Variants in CEP192 observed in about 807,000 individuals in gnomAD.
The protein encoded by CEP192 is centrosomal protein of 192 kDa.
Under a neutral mutation model 271.8 loss-of-function variants are expected in CEP192, and 151 were observed. The observed-to-expected ratio is 0.56, with a 90% confidence interval of 0.49 to 0.64. The LOEUF is 0.64. Ranked by LOEUF, CEP192 falls within the 30% of genes least tolerant of loss-of-function variation. The pLI is 0.00. For missense variants in CEP192, 2,910 were observed against 3,020.5 expected (o/e 0.96, Z 0.86); for synonymous variants, 995 against 1,076.5 (o/e 0.92, Z 1.48).
chr18:13,057,900 T>C (rs749805080), intron 20 of CEP192, 167 bp downstream of exon 20: 53 of 436,114 alleles, frequency 1.2e-4, no homozygotes, highest in Admixed American at 2.1e-4. Context: ...GCTTGTAGAG[T>C]GTAAAGTGAA....
At chr18:13,033,046 T>C (rs1013238439) in intron 11 of CEP192, among the ~76,000 whole-genome samples, 3 of 152,194 alleles carry the variant, frequency 2.0e-5, no homozygotes, top group African/African-American at 4.8e-5. Flanking sequence ...GTGGTTTGGG[T>C]ACTGGCAGTA....
intron 9 of CEP192, among the ~76,000 whole-genome samples, chr18:13,026,538 A>G (rs1024671020): frequency 5.9e-5 from 9 of 152,040 alleles, no homozygotes; most frequent in Non-Finnish European, 1.2e-4. Flanking sequence ...CATATGTTAT[A>G]CATTTTGTAG....
chr18:13,001,938 C>T (rs2033671190), intron 3 of CEP192, among the ~76,000 whole-genome samples: 1 of 152,206 alleles, frequency 6.6e-6, no homozygotes, highest in Non-Finnish European at 1.5e-5. Context: ...AACTCCTGAC[C>T]TCAAGTGAAC....
At chr18:13,067,186 T>G (rs2037754153) in intron 21 of CEP192, among the ~76,000 whole-genome samples, 1 of 152,190 alleles carries the variant, frequency 6.6e-6, no homozygotes, top group African/African-American at 2.4e-5. Context: ...AGCATTTACA[T>G]TATATTAGGT....
At position 13,124,802 on chromosome 18, in the gene CEP192, A is replaced by G. The variant is rs1414014893; in HGVS notation, c.*32A>G. ...TACATTTTTGTGTAAAGTAAATTAC[A>G]TAAGTTGTATTTTGTTAACTTTATC... On this transcript the variant is annotated 3_prime_UTR_variant, in exon 45 of 45. Transcript: ENST00000506447. The G allele has an allele frequency of 6.5e-7, 1 of 1,527,340 alleles. No individual in the cohort carries two copies. Among genetic ancestry groups the G allele is most frequent in the Admixed American group, 1.7e-5 (1 of 57,768 alleles). The allele number at this position is 1,527,340 out of a possible 1,614,324, so 94.6% of individuals were successfully genotyped here.
At position 13,068,488 on chromosome 18, in the gene CEP192, G is replaced by A. The variant is rs1047945948; in HGVS notation, c.4822+66G>A. The A allele has an allele frequency of 1.3e-5, 16 of 1,258,428 alleles. No individual in the cohort carries two copies. The Admixed American group carries it at 3.1e-4, about 24-fold the overall frequency. The allele number at this position is 1,258,428 out of a possible 1,614,324, so 78.0% of individuals were successfully genotyped here. A position where few individuals can be genotyped will look rare whatever the true frequency, so the allele number is the denominator to read the frequency against. ...GCTAGATAAACTACAAATTTGAGATGTATTTCCTTTGTCAATAAATGTCAG... is the reference window on the plus strand; with the variant it reads ...GCTAGATAAACTACAAATTTGAGATATATTTCCTTTGTCAATAAATGTCAG... On this transcript the variant is annotated intron_variant, in intron 24 of 44. Transcript: ENST00000506447.
At chr18:13,114,026 T>C (rs75846614) in intron 41 of CEP192, 104 bp from the exon 42 acceptor site, 55,780 of 1,352,472 alleles carry the variant, frequency 0.041, 1,310 homozygotes, top group Middle Eastern at 0.075. Flanking sequence ...TTAAATTGCC[T>C]TTTAAAAATT....
intron 4 of CEP192, among the ~76,000 whole-genome samples, chr18:13,009,014 GTT>G (rs10586819): frequency 0.41 from 49,482 of 120,178 alleles, 8,056 homozygotes; most frequent in African/African-American, 0.48. Context: ...TGGCCTTTTT[GTT>G]TTTTTTTTTT....
intron 12 of CEP192, 71 bp from the exon 13 acceptor site, chr18:13,038,299 T>G: frequency 8.0e-7 from 1 of 1,255,440 alleles, no homozygotes; most frequent in South Asian, 1.4e-5. Context: ...ACTTTTTTAG[T>G]TTTTGTATAT....
At chr18:13,025,220 A>G (rs1399497288) in intron 9 of CEP192, among the ~76,000 whole-genome samples, 1 of 151,366 alleles carries the variant, frequency 6.6e-6, no homozygotes, top group Non-Finnish European at 1.5e-5. Flanking sequence ...TATTATTATT[A>G]TTATTATTAC....
chr18:13,057,074 T>C (rs913593764), intron 19 of CEP192, among the ~76,000 whole-genome samples: 19 of 152,222 alleles, frequency 1.2e-4, no homozygotes, highest in Non-Finnish European at 2.1e-4. Context: ...TCGGGTGCAT[T>C]TGTGGGGCAG....
At position 13,057,650 on chromosome 18, in the gene CEP192, A is replaced by G; in HGVS notation, c.4174A>G (p.Thr1392Ala). 1 of 1,613,966 alleles carries G rather than the reference A, an allele frequency of 6.2e-7. No homozygotes were observed. The highest frequency in any genetic ancestry group is 8.5e-7 in the Non-Finnish European group (1 of 1,179,990). ...TTGCTGTGTCGGGATCGCTTCCCAG[A>G]CCCTCCTCAGTGTGCTTAATCCAAC... ...HACCVGIASQ[T>A]LLSVLNPTDR... The change falls in exon 20 of 45, where the codon ACC becomes GCC. Residue 1392 changes from threonine (T) to alanine (A), a missense_variant. Physicochemically the swap from Thr to Ala is moderately conservative, Grantham distance 58 (BLOSUM62 0). Coordinates refer to ENST00000506447, the MANE Select transcript of CEP192 (RefSeq NM_032142.4).
At chr18:13,121,749 A>G (rs1248880221) in intron 44 of CEP192, among the ~76,000 whole-genome samples, 1 of 152,188 alleles carries the variant, frequency 6.6e-6, no homozygotes, top group African/African-American at 2.4e-5. Flanking sequence ...TTCCACCTCA[A>G]CTGTGCCCTC....
At chr18:13,015,216 G>A in intron 5 of CEP192, 112 bp from the exon 6 acceptor site, 2 of 962,680 alleles carry the variant, frequency 2.1e-6, no homozygotes, top group African/African-American at 1.7e-5. Context: ...GTGATTTACA[G>A]ATACTGAACA....
intron 21 of CEP192, among the ~76,000 whole-genome samples, chr18:13,063,764 G>C (rs537263697): frequency 6.0e-5 from 9 of 151,120 alleles, no homozygotes; most frequent in African/African-American, 2.2e-4. Flanking sequence ...GCCTTCGTTT[G>C]TGGGGTATTG....
At chr18:13,110,823 A>C (rs2040175931) in intron 40 of CEP192, among the ~76,000 whole-genome samples, 1 of 152,230 alleles carries the variant, frequency 6.6e-6, no homozygotes, top group Non-Finnish European at 1.5e-5. Context: ...GCAAAGGCTG[A>C]AGAACTTGGA....
At chr18:13,069,982 G>A (rs919724178) in intron 27 of CEP192, 126 bp downstream of exon 27, 7 of 584,470 alleles carry the variant, frequency 1.2e-5, no homozygotes, top group South Asian at 6.9e-5. Context: ...GCAACATGGC[G>A]AAATCCTGTC....
At chr18:13,067,998 C>T (rs755439003) in intron 22 of CEP192, 42 bp downstream of exon 22, 3 of 1,603,128 alleles carry the variant, frequency 1.9e-6, no homozygotes, top group Non-Finnish European at 2.6e-6. Flanking sequence ...ACAGAATGCA[C>T]TGATCTTATG....
At chr18:13,004,758 T>C (rs1329533041) in intron 3 of CEP192, among the ~76,000 whole-genome samples, 3 of 152,170 alleles carry the variant, frequency 2.0e-5, no homozygotes, top group South Asian at 4.1e-4. Flanking sequence ...TTGAGGGCCG[T>C]GGGCGTGACT....
Sources: allele counts gnomAD v4.1 joint callset (sites outside exome capture counted in the v4.1 genomes callset), GRCh38; gene constraint gnomAD v4.1.1; transcripts MANE v1.5; gene names NCBI Gene and HGNC (gene_info 2026-07-23, HGNC 2026-07-21).